Variants in LBR observed in about 807,000 individuals in gnomAD.
LBR encodes the protein lamin B receptor.
Under a neutral mutation model 74.3 loss-of-function variants are expected in LBR, and 28 were observed. That is an observed-to-expected ratio of 0.38 (90% CI 0.28 to 0.52). The LOEUF (loss-of-function observed/expected upper bound fraction) is 0.52. Among genes scored for constraint, LBR ranks in the 20% least tolerant of loss-of-function variants. The pLI, the probability that LBR is intolerant of heterozygous loss-of-function variation, is 0.89. For missense variants in LBR, 717 were observed against 760.3 expected (o/e 0.94, Z 0.67); for synonymous variants, 228 against 269.3 (o/e 0.85, Z 1.50).
At chr1:225,412,178 A>G (rs549427633) in intron 8 of LBR, among the ~76,000 whole-genome samples, 17 of 152,378 alleles carry the variant, frequency 1.1e-4, no homozygotes, top group South Asian at 4.1e-4. Context: ...AATATTTGTC[A>G]TAAGTCAAAA....
At chr1:225,410,772 T>G (rs529346643) in intron 9 of LBR, among the ~76,000 whole-genome samples, 1 of 152,244 alleles carries the variant, frequency 6.6e-6, no homozygotes, top group South Asian at 2.1e-4. Context: ...TAGAGAAGAC[T>G]AAGAAGGAAT....
chr1:225,406,840 G>A lies in LBR; in HGVS notation c.1315-8C>T, dbSNP rs369094974. 1.7e-4 allele frequency: 274 copies of A among 1,613,432 alleles called. No individual in the cohort carries two copies. The highest frequency in any genetic ancestry group is 2.2e-4 in the Non-Finnish European group (260 of 1,179,480). The stretch of plus-strand genomic sequence containing the variant: ...GGTCGTCAACAACGCTTCCTATAAG[G>A]ATACAGACGGGGAAAGGGAGAAGGA... On this transcript the variant is annotated splice_polypyrimidine_tract_variant and splice_region_variant and intron_variant, in intron 10 of 13. Transcript: ENST00000272163.
Position 225,406,635 on chromosome 1 carries a change from A to G in LBR, c.1483+29T>C, listed in dbSNP as rs766698082. 2.5e-6 allele frequency: 4 copies of G among 1,585,608 alleles called. No individual in the cohort carries two copies. The South Asian group carries it at 4.5e-5, about 18-fold the overall frequency. ...AGCCTCAGTACATAATATTTAATAA[A>G]TTAAACTGAGACTAAAATTAATACT... On this transcript the variant is annotated intron_variant, in intron 11 of 13. Transcript: ENST00000272163.
intron 7 of LBR, 118 bp downstream of exon 7, chr1:225,415,160 C>G (rs546346453): frequency 4.2e-6 from 3 of 706,778 alleles, no homozygotes; most frequent in Non-Finnish European, 7.3e-6. Flanking sequence ...GCTCTTCCAA[C>G]TACTAAGAAA....
chr1:225,426,620 G>A (rs972694008), intron 1 of LBR, among the ~76,000 whole-genome samples: 3 of 152,192 alleles, frequency 2.0e-5, no homozygotes, highest in African/African-American at 7.2e-5. Flanking sequence ...GGGGTCTCCA[G>A]CCATCTTTCC....
At position 225,424,162 on chromosome 1, in the gene LBR, A is replaced by G. The variant is rs938975295; in HGVS notation, c.-14-73T>C. On this transcript the variant is annotated intron_variant, in intron 1 of 13. Transcript: ENST00000272163. ...TGTATTCGTCTTTTTCCACAGGCTG[A>G]TCACTAAAATACAACTTTCCAGAAT... is the stretch of plus-strand genomic sequence containing the variant. 35 of 1,132,816 alleles carry G rather than the reference A, an allele frequency of 3.1e-5. No homozygotes were observed. In the South Asian group the frequency reaches 3.9e-4, roughly 13 times the overall value. The allele number at this position is 1,132,816 out of a possible 1,614,324, so 70.2% of individuals were successfully genotyped here. A position where few individuals can be genotyped will look rare whatever the true frequency, so the allele number is the denominator to read the frequency against.
chr1:225,424,673 T>G (rs1004619782), intron 1 of LBR, among the ~76,000 whole-genome samples: 5 of 152,198 alleles, frequency 3.3e-5, no homozygotes, highest in African/African-American at 4.8e-5. Context: ...ACCACCCACC[T>G]AAGCCAGGGT....
At chr1:225,422,800 C>T (rs2096130425) in intron 2 of LBR, among the ~76,000 whole-genome samples, 2 of 152,230 alleles carry the variant, frequency 1.3e-5, no homozygotes, top group African/African-American at 2.4e-5. Flanking sequence ...CGCCCCAGGC[C>T]AAGTCCCTCA....
At chr1:225,422,758 C>T (rs2096130289) in intron 2 of LBR, among the ~76,000 whole-genome samples, 1 of 152,186 alleles carries the variant, frequency 6.6e-6, no homozygotes, top group South Asian at 2.1e-4. Flanking sequence ...TCCGAATCTC[C>T]TTATGTTGCT....
Position 225,403,079 on chromosome 1 carries a change from C to T in LBR, c.*224G>A. 3.8e-6 allele frequency: 2 copies of T among 530,724 alleles called. No homozygotes were observed. The highest frequency in any genetic ancestry group is 3.3e-6 in the Non-Finnish European group (1 of 299,554). 32.9% of individuals were successfully genotyped at this position (530,724 alleles called of 1,614,324 possible). ...AAAATTTCCCATTAAAATGCAAATT[C>T]TCACATCCTTACTTGTATTTTTCCT... On this transcript the variant is annotated 3_prime_UTR_variant, in exon 14 of 14. Transcript: ENST00000272163.
chr1:225,415,996 A>G (rs1441755932), intron 6 of LBR, among the ~76,000 whole-genome samples: 1 of 152,096 alleles, frequency 6.6e-6, no homozygotes, highest in Non-Finnish European at 1.5e-5. Context: ...TGAGTCCAGG[A>G]GTTGGAGACC....
chr1:225,412,499 G>A lies in LBR; in HGVS notation c.1039C>T (p.Arg347Cys), dbSNP rs141837466. The change falls in exon 8 of 14, where the codon CGC becomes TGC. Residue 347 changes from arginine to cysteine, a missense_variant. Arg to Cys is a radical substitution (Grantham distance 180, BLOSUM62 -3). Coordinates refer to ENST00000272163, the MANE Select transcript of LBR (RefSeq NM_002296.4). ...TCATTCCGGGGCGCTTTCAAAGAGC[G>A]CATGTAGAGATACACACTCAAGACC... Reference protein sequence around the residue: ...CVVLSVYLYMRSLKAPRNDLS... With the variant: ...CVVLSVYLYMCSLKAPRNDLS... The A allele has an allele frequency of 1.6e-5, 26 of 1,614,022 alleles. No homozygotes were observed. Among genetic ancestry groups the A allele is most frequent in the African/African-American group, 4.0e-5 (3 of 74,900 alleles).
chr1:225,405,715 C>T (rs1445415313), intron 11 of LBR, among the ~76,000 whole-genome samples: 9 of 152,184 alleles, frequency 5.9e-5, no homozygotes, highest in Admixed American at 5.2e-4. Context: ...CTAGTCTCAG[C>T]TATTCTGTTC....
In LBR at chr1:225,412,468, G is replaced by A. The variant is rs149077819; in HGVS notation, c.1070C>T (p.Ser357Leu). Reference sequence around the variant, plus strand: ...TCACTGCTCACCAGAGCTGGCAGGCGACAGGTCATTCCGGGGCGCTTTCAA... The same window carrying A: ...TCACTGCTCACCAGAGCTGGCAGGCAACAGGTCATTCCGGGGCGCTTTCAA... ...RSLKAPRNDL[S>L]PASSGNAVYD... The change falls in exon 8 of 14, where the codon TCG (serine) becomes TTG (leucine). Residue 357 changes from serine to leucine, a missense_variant. By Grantham distance (145) the Ser-to-Leu change is moderately radical (BLOSUM62 -2). Transcript: ENST00000272163. 8.1e-6 allele frequency: 13 copies of A among 1,613,874 alleles called. No individual in the cohort carries two copies. The highest frequency in any genetic ancestry group is 5.3e-5 in the African/African-American group (4 of 74,886).
At chr1:225,421,365 C>T (rs1219735767) in intron 3 of LBR, among the ~76,000 whole-genome samples, 1 of 152,142 alleles carries the variant, frequency 6.6e-6, no homozygotes, top group Non-Finnish European at 1.5e-5. Context: ...TGGTGGTGGG[C>T]GCCTGTAGTC....
chr1:225,406,773 A>G lies in LBR; in HGVS notation c.1374T>C (p.Phe458=), dbSNP rs1290207258. The change falls in exon 11 of 14, where the codon TTT becomes TTC. Residue 458 remains phenylalanine, a synonymous_variant. Coordinates refer to ENST00000272163, the MANE Select transcript of LBR (RefSeq NM_002296.4). The part of the protein sequence containing the change: ...IHDGFGFMLA[F]GDLVWVPFIY... ...TAAAGGGAACCCACACCAAGTCTCCAAAAGCCAGCATGAATCCAAATCCAT... is the reference window on the plus strand; with the variant it reads ...TAAAGGGAACCCACACCAAGTCTCCGAAAGCCAGCATGAATCCAAATCCAT... 1 of 1,614,094 alleles carries G rather than the reference A, an allele frequency of 6.2e-7. No individual in the cohort carries two copies. The highest frequency in any genetic ancestry group is 1.3e-5 in the African/African-American group (1 of 74,936).
upstream of LBR, chr1:225,428,050 C>G (rs1172536347): frequency 1.3e-5 from 2 of 151,980 alleles, no homozygotes; most frequent in African/African-American, 4.8e-5. Context: ...CCCGGCCGCG[C>G]TCTCGCGCCC....
At chr1:225,416,183 C>A (rs1299981778) in intron 6 of LBR, among the ~76,000 whole-genome samples, 10 of 146,106 alleles carry the variant, frequency 6.8e-5, no homozygotes, top group Non-Finnish European at 1.0e-4. Context: ...GGCAACAGAG[C>A]AAGACCCTGT....
At chr1:225,418,260 A>T in intron 5 of LBR, 80 bp from the exon 6 acceptor site, 6 of 1,429,784 alleles carry the variant, frequency 4.2e-6, no homozygotes, top group Non-Finnish European at 5.8e-6. Flanking sequence ...ATTTGTTAAG[A>T]TCAGAACTCG....
Sources: allele counts gnomAD v4.1 joint callset (sites outside exome capture counted in the v4.1 genomes callset), GRCh38; gene constraint gnomAD v4.1.1; transcripts MANE v1.5; gene names NCBI Gene and HGNC (gene_info 2026-07-23, HGNC 2026-07-21).